Variants in CATSPERB observed in about 807,000 individuals in gnomAD.
CATSPERB encodes cation channel sperm-associated auxiliary subunit beta.
A neutral mutation model predicts 128.3 loss-of-function variants in CATSPERB; 93 were observed. That is an observed-to-expected ratio of 0.72 (90% CI 0.61 to 0.86). The LOEUF (loss-of-function observed/expected upper bound fraction) is 0.86. Among genes scored for constraint, CATSPERB ranks in the 40% least tolerant of loss-of-function variants. The pLI is 0.00. For missense variants in CATSPERB, 1,153 were observed against 1,329.5 expected, an observed-to-expected ratio of 0.87 and a Z score of 2.06; for synonymous variants, 381 against 448.8, an observed-to-expected ratio of 0.85 and a Z score of 1.91.
At chr14:91,669,741 A>C in intron 14 of CATSPERB, 73 bp downstream of exon 14, 4 of 1,397,268 alleles carry the variant, frequency 2.9e-6, no homozygotes, top group East Asian at 2.4e-5. Flanking sequence ...TCTGTTCTTA[A>C]TGTACAGCCA....
chr14:91,615,223 A>G (rs1466512746), intron 20 of CATSPERB, among the ~76,000 whole-genome samples: 1 of 152,134 alleles, frequency 6.6e-6, no homozygotes, highest in Admixed American at 6.5e-5. Flanking sequence ...CTCCTGTCAC[A>G]TCGGCGGCAG....
chr14:91,703,698 A>G lies in CATSPERB; in HGVS notation c.616+854T>C, dbSNP rs554583996. ...CATACCAGGGGTGTGGCGTGTCACAACTCCACGGGGACAGAAGCTCCTTTT... is the reference window on the plus strand; with the variant it reads ...CATACCAGGGGTGTGGCGTGTCACAGCTCCACGGGGACAGAAGCTCCTTTT... On this transcript the variant is annotated intron_variant, in intron 7 of 26. Coordinates refer to ENST00000256343, the MANE Select transcript of CATSPERB (RefSeq NM_024764.4). Among the ~76,000 whole-genome samples, 72 of 152,130 alleles carry G rather than the reference A, an allele frequency of 4.7e-4. 1 individual carries two copies. The highest frequency in any genetic ancestry group is 1.7e-3 in the African/African-American group (69 of 41,510).
chr14:91,583,187 G>T (rs1272697462), intron 26 of CATSPERB, among the ~76,000 whole-genome samples: 1 of 152,244 alleles, frequency 6.6e-6, no homozygotes, highest in Non-Finnish European at 1.5e-5. Context: ...GGGAGGCCAA[G>T]GCGGGCAGAT....
At chr14:91,680,803 C>T (rs946948621) in intron 11 of CATSPERB, among the ~76,000 whole-genome samples, 2 of 152,100 alleles carry the variant, frequency 1.3e-5, no homozygotes, top group Non-Finnish European at 2.9e-5. Context: ...AGTCCCCTAC[C>T]AACTGAACAA....
In CATSPERB at chr14:91,648,843, C is replaced by T. The variant is rs74827937; in HGVS notation, c.1433-9593G>A. On this transcript the variant is annotated intron_variant, in intron 15 of 26. Transcript: ENST00000256343. ...AGATTTTAAAATCCAAAATAAGACT[C>T]TGTCTTTAATGGAGAAATGTAGATT... 3.6e-4 allele frequency among the ~76,000 whole-genome samples: 55 copies of T among 152,302 alleles called. 1 individual carries two copies. In the East Asian group the frequency reaches 8.5e-3, roughly 24 times the overall value.
At chr14:91,722,340 C>A (rs547203787) in intron 4 of CATSPERB, among the ~76,000 whole-genome samples, 11 of 152,046 alleles carry the variant, frequency 7.2e-5, no homozygotes, top group African/African-American at 2.7e-4. Context: ...TTATACAATG[C>A]GATATTATTT....
At chr14:91,620,426 T>G (rs1349893415) in intron 19 of CATSPERB, among the ~76,000 whole-genome samples, 1 of 152,126 alleles carries the variant, frequency 6.6e-6, no homozygotes, top group Non-Finnish European at 1.5e-5. Flanking sequence ...TTTCTTTGGT[T>G]TGAAGTTCCC....
At chr14:91,668,338 G>A (rs887790397) in intron 14 of CATSPERB, among the ~76,000 whole-genome samples, 1 of 150,412 alleles carries the variant, frequency 6.6e-6, no homozygotes, top group Non-Finnish European at 1.5e-5. Flanking sequence ...ACCAATCAGT[G>A]CTCTGTGTCT....
chr14:91,609,461 G>T (rs1893780745), intron 21 of CATSPERB, among the ~76,000 whole-genome samples: 1 of 152,148 alleles, frequency 6.6e-6, no homozygotes, highest in Admixed American at 6.5e-5. Flanking sequence ...CCAGAAGGCG[G>T]CTACAAAATT....
chr14:91,693,595 C>G (rs1436606987), intron 7 of CATSPERB, 116 bp from the exon 8 acceptor site: 1 of 683,818 alleles, frequency 1.5e-6, no homozygotes, highest in African/African-American at 1.8e-5. Context: ...CTCTCACTTC[C>G]CAAAGCATTG....
chr14:91,622,215 T>TTA (rs71876354), intron 18 of CATSPERB, among the ~76,000 whole-genome samples: 1 of 151,854 alleles, frequency 6.6e-6, no homozygotes, highest in Admixed American at 6.6e-5. Context: ...AGCTGATTTT[T>TTA]TTTTTTACTA....
chr14:91,604,395 CTCT>C, intron 22 of CATSPERB: 8 of 1,033,032 alleles, frequency 7.7e-6, no homozygotes, highest in African/African-American at 3.1e-5. Context: ...GTCAATTGCA[CTCT>C]TCTTCACACA....
chr14:91,590,257 C>T lies in CATSPERB; in HGVS notation c.2821-588G>A, dbSNP rs1204247073. On this transcript the variant is annotated intron_variant, in intron 23 of 26. Coordinates refer to ENST00000256343, the MANE Select transcript of CATSPERB (RefSeq NM_024764.4). ...TAATTTACAGAATGCTGGCTAGACA[C>T]AATGGCTCACGCTTATAAATCCCAG... 2.6e-5 allele frequency among the ~76,000 whole-genome samples: 4 copies of T among 152,128 alleles called. No homozygotes were observed. The East Asian group carries it at 5.8e-4, about 22-fold the overall frequency.
intron 10 of CATSPERB, among the ~76,000 whole-genome samples, chr14:91,686,037 G>A (rs2139841284): frequency 6.6e-6 from 1 of 152,192 alleles, no homozygotes; most frequent in South Asian, 2.1e-4. Context: ...ACCTTTGACT[G>A]GAAATGCTGT....
intron 5 of CATSPERB, among the ~76,000 whole-genome samples, chr14:91,716,713 AC>A (rs1895946874): frequency 2.2e-5 from 1 of 46,284 alleles, no homozygotes. Context: ...TTACAAGCAT[AC>A]ACACACACAC....
chr14:91,679,206 C>G (rs776807649), intron 11 of CATSPERB, among the ~76,000 whole-genome samples: 1 of 152,060 alleles, frequency 6.6e-6, no homozygotes, highest in African/African-American at 2.4e-5. Flanking sequence ...ATTATTTCAT[C>G]TATAAAATGT....
chr14:91,721,736 G>C (rs888971950), intron 4 of CATSPERB, among the ~76,000 whole-genome samples: 1 of 151,834 alleles, frequency 6.6e-6, no homozygotes, highest in Non-Finnish European at 1.5e-5. Context: ...TGTAGTCCCA[G>C]CTACTCTGGA....
In CATSPERB at chr14:91,670,747, T is replaced by C. The variant is rs1895075133; in HGVS notation, c.1129-775A>G. On this transcript the variant is annotated intron_variant, in intron 13 of 26. Coordinates refer to ENST00000256343, the MANE Select transcript of CATSPERB (RefSeq NM_024764.4). ...GGCCAGGCGCAGTGGCTTACGCCTA[T>C]AATCCCAGCACTTTGGGGGGCCGAA... Among the ~76,000 whole-genome samples, 3 of 152,010 alleles carry C rather than the reference T, an allele frequency of 2.0e-5. No homozygotes were observed. In the South Asian group the frequency reaches 6.2e-4, roughly 32 times the overall value.
chr14:91,634,139 A>G (rs1894326199), intron 17 of CATSPERB, among the ~76,000 whole-genome samples: 1 of 152,230 alleles, frequency 6.6e-6, no homozygotes, highest in Admixed American at 6.5e-5. Context: ...GTTGATTAAC[A>G]CATATTTTGT....
Sources: allele counts gnomAD v4.1 joint callset (sites outside exome capture counted in the v4.1 genomes callset), GRCh38; gene constraint gnomAD v4.1.1; transcripts MANE v1.5; gene names NCBI Gene and HGNC (gene_info 2026-07-23, HGNC 2026-07-21).